Variants in TRIM63 observed in about 807,000 individuals in gnomAD.
The protein encoded by TRIM63 is E3 ubiquitin-protein ligase TRIM63.
A neutral mutation model predicts 46.0 loss-of-function variants in TRIM63; 48 were observed. That is an observed-to-expected ratio of 1.04 (90% CI 0.83 to 1.33). The LOEUF (loss-of-function observed/expected upper bound fraction) is 1.33, where lower values mean the gene tolerates loss of function less well. Ranked by LOEUF, TRIM63 falls within the 40% of genes most tolerant of loss-of-function variation. The pLI, the probability that TRIM63 is intolerant of heterozygous loss-of-function variation, is 0.00. For missense variants in TRIM63, 455 were observed against 441.2 expected (o/e 1.03, Z -0.28); for synonymous variants, 175 against 162.8 (o/e 1.08, Z -0.57).
chr1:26,054,160 A>G (rs1432630975), intron 7 of TRIM63, among the ~76,000 whole-genome samples, 196 bp from the exon 8 acceptor site: 3 of 152,282 alleles, frequency 2.0e-5, no homozygotes, highest in Admixed American at 6.5e-5. Flanking sequence ...TGCTCCTGCA[A>G]TCCCCCGCAC....
At chr1:26,062,692 CTCCAACCTGTTA>C (rs1243924120) in intron 2 of TRIM63, among the ~76,000 whole-genome samples, 1 of 152,214 alleles carries the variant, frequency 6.6e-6, no homozygotes, top group African/African-American at 2.4e-5. Context: ...TCCTTGAGAC[CTCCAACCTGTTA>C]TTTGTGCTTC....
chr1:26,059,628 G>T (rs900063459), intron 4 of TRIM63, among the ~76,000 whole-genome samples: 1 of 151,930 alleles, frequency 6.6e-6, no homozygotes, highest in Non-Finnish European at 1.5e-5. Flanking sequence ...CCTACCCTTC[G>T]CCCAACTCTT....
chr1:26,059,630 C>G (rs1166906018), intron 4 of TRIM63, among the ~76,000 whole-genome samples: 1 of 152,196 alleles, frequency 6.6e-6, no homozygotes, highest in Non-Finnish European at 1.5e-5. Context: ...TACCCTTCGC[C>G]CAACTCTTCA....
At position 26,051,935 on chromosome 1, in the gene TRIM63, G is replaced by A. The variant is rs765551054; in HGVS notation, c.1052-52C>T. On this transcript the variant is annotated intron_variant, in intron 8 of 8. Coordinates refer to ENST00000374272, the MANE Select transcript of TRIM63 (RefSeq NM_032588.4). ...CAAGGGGTGAGACAGGGACTCAGGAGGATCCAAGGCTTACCAAGCTACTGT... is the reference window on the plus strand; with the variant it reads ...CAAGGGGTGAGACAGGGACTCAGGAAGATCCAAGGCTTACCAAGCTACTGT... 2.2e-5 allele frequency: 29 copies of A among 1,299,716 alleles called. No homozygotes were observed. The African/African-American group carries it at 3.5e-4, about 16-fold the overall frequency. 80.5% of individuals were successfully genotyped at this position (1,299,716 alleles called of 1,614,324 possible).
At chr1:26,060,019 G>A (rs999011031) in intron 4 of TRIM63, among the ~76,000 whole-genome samples, 2 of 152,152 alleles carry the variant, frequency 1.3e-5, no homozygotes, top group African/African-American at 4.8e-5. Context: ...TGAGCTCAGG[G>A]ACCACGTCTG....
In TRIM63 at chr1:26,058,549, T is replaced by G; in HGVS notation, c.672A>C (p.Lys224Asn). 1 of 1,614,222 alleles carries G rather than the reference T, an allele frequency of 6.2e-7. No homozygotes were observed. Among genetic ancestry groups the G allele is most frequent in the Middle Eastern group, 1.6e-4 (1 of 6,062 alleles). ...GCGTGATCCGCTGCAGCAACTCACT[T>G]TTCTTCTCATCCAGGATGGCATACA... ...DTLYAILDEK[K>N]SELLQRITQE... The change falls in exon 5 of 9, where the codon AAA (lysine) becomes AAC (asparagine). Residue 224 changes from lysine (K) to asparagine (N), a missense_variant. Lys to Asn is a moderately conservative substitution (Grantham distance 94). Transcript: ENST00000374272.
Position 26,061,507 on chromosome 1 carries a change from CAGTG to C in TRIM63, c.333-177_333-174del, listed in dbSNP as rs2050626065. 2.6e-5 allele frequency among the ~76,000 whole-genome samples: 4 copies of C among 152,270 alleles called. No individual in the cohort carries two copies. The South Asian group carries it at 8.3e-4, about 32-fold the overall frequency. On this transcript the variant is annotated intron_variant, in intron 2 of 8. Coordinates refer to ENST00000374272, the MANE Select transcript of TRIM63 (RefSeq NM_032588.4). ...TCTCCAGATTTATGCCCTGGGCCCT[CAGTG>C]TTTGGCTGCCCTAAAATCTTTCATC...
At chr1:26,062,342 C>G (rs1306550740) in intron 2 of TRIM63, among the ~76,000 whole-genome samples, 1 of 151,874 alleles carries the variant, frequency 6.6e-6, no homozygotes, top group East Asian at 1.9e-4. Context: ...TAATATTCAC[C>G]ATCTTGAATT....
chr1:26,051,908 G>A (rs1344317579), intron 8 of TRIM63, 25 bp from the exon 9 acceptor site: 1 of 1,316,276 alleles, frequency 7.6e-7, no homozygotes, highest in South Asian at 3.1e-5. Flanking sequence ...AAGATACAGA[G>A]GCAAGGGGTG....
intron 4 of TRIM63, among the ~76,000 whole-genome samples, 192 bp from the exon 5 acceptor site, chr1:26,058,815 G>A (rs3008222): frequency 5.3e-5 from 8 of 152,094 alleles, no homozygotes; most frequent in African/African-American, 9.7e-5. Context: ...TATTTAGTAC[G>A]CCAGTGATAT....
intron 7 of TRIM63, 77 bp from the exon 8 acceptor site, chr1:26,054,041 G>A (rs2050547416): frequency 3.7e-6 from 4 of 1,083,706 alleles, no homozygotes; most frequent in South Asian, 1.5e-5. Flanking sequence ...AGGCAAGAGA[G>A]AGCACGGTCT....
Position 26,051,468 on chromosome 1 carries a change from C to T in TRIM63, c.*405G>A, listed in dbSNP as rs1233208740. 1 of 158,460 alleles carries T rather than the reference C, an allele frequency of 6.3e-6. No homozygotes were observed. The highest frequency in any genetic ancestry group is 2.4e-5 in the African/African-American group (1 of 41,704). 9.8% of individuals were successfully genotyped at this position (158,460 alleles called of 1,614,324 possible). A position where few individuals can be genotyped will look rare whatever the true frequency, so the allele number is the denominator to read the frequency against. ...GAAAGGAAGTGGGCAGCTGTATCAACCTGGCTTCCTTCCCCTCTTTCTGAC... is the reference window on the plus strand; with the variant it reads ...GAAAGGAAGTGGGCAGCTGTATCAATCTGGCTTCCTTCCCCTCTTTCTGAC... On this transcript the variant is annotated 3_prime_UTR_variant, in exon 9 of 9. Coordinates refer to ENST00000374272, the MANE Select transcript of TRIM63 (RefSeq NM_032588.4).
In TRIM63 at chr1:26,061,255, C is replaced by T; in HGVS notation, c.412G>A (p.Glu138Lys). ...EKINIYCLTC[E>K]VPTCSMCKVF... ...TTGCACATGGAGCAGGTGGGCACCT[C>T]ACACGTGAGACAGTAGATGTTGATT... The change falls in exon 3 of 9, where the codon GAG becomes AAG. Residue 138 changes from glutamate (E) to lysine (K), a missense_variant. Physicochemically the swap from Glu to Lys is moderately conservative, Grantham distance 56. Transcript: ENST00000374272. 1 of 1,614,210 alleles carries T rather than the reference C, an allele frequency of 6.2e-7. No individual in the cohort carries two copies.
At chr1:26,062,426 C>T (rs1378827459) in intron 2 of TRIM63, among the ~76,000 whole-genome samples, 1 of 152,204 alleles carries the variant, frequency 6.6e-6, no homozygotes, top group Non-Finnish European at 1.5e-5. Context: ...TACCCTCTCT[C>T]TTTCTCTTAG....
At chr1:26,052,556 C>T (rs976861436) in intron 8 of TRIM63, among the ~76,000 whole-genome samples, 1 of 152,086 alleles carries the variant, frequency 6.6e-6, no homozygotes, top group South Asian at 2.1e-4. Context: ...GCTCCGCCCC[C>T]CTGGGGTTCT....
chr1:26,056,080 C>A (rs1360256333), intron 7 of TRIM63, among the ~76,000 whole-genome samples: 1 of 152,164 alleles, frequency 6.6e-6, no homozygotes, highest in Non-Finnish European at 1.5e-5. Flanking sequence ...CCCTTGTCCC[C>A]CAACCTCAGC....
intron 4 of TRIM63, 141 bp from the exon 5 acceptor site, chr1:26,058,764 A>T (rs902371958): frequency 4.4e-6 from 3 of 686,986 alleles, no homozygotes; most frequent in Admixed American, 2.7e-5. Flanking sequence ...AAGAAGAAAC[A>T]AAGACTTAAC....
At chr1:26,062,590 C>T (rs1163050327) in intron 2 of TRIM63, among the ~76,000 whole-genome samples, 2 of 152,220 alleles carry the variant, frequency 1.3e-5, no homozygotes, top group Non-Finnish European at 2.9e-5. Flanking sequence ...CAGCCCAGCA[C>T]AAGCCTGACT....
intron 7 of TRIM63, among the ~76,000 whole-genome samples, chr1:26,055,719 C>T (rs1321334382): frequency 6.6e-6 from 1 of 152,064 alleles, no homozygotes; most frequent in Non-Finnish European, 1.5e-5. Context: ...CCGTGTTGGT[C>T]AGGCTGGTCT....
Sources: gnomAD v4.1 joint callset for allele counts (sites outside exome capture counted in the v4.1 genomes callset) on GRCh38, gnomAD v4.1.1 for gene constraint, MANE v1.5 for transcripts, NCBI Gene and HGNC (gene_info 2026-07-23, HGNC 2026-07-21) for gene names.